Variants in SATB1 observed in about 807,000 individuals in gnomAD.
SATB1 encodes the protein SATB homeobox 1, also known as DNA-binding protein SATB1.
A neutral mutation model predicts 86.9 loss-of-function variants in SATB1; 11 were observed. The observed-to-expected ratio is 0.13, with a 90% CI of 0.08 to 0.21. The LOEUF (loss-of-function observed/expected upper bound fraction) is 0.21. SATB1 is among the 10% of genes least tolerant of loss of function. The probability of loss-of-function intolerance (pLI) is 1.00; values close to 1 mark genes in which losing one functional copy is unlikely to be tolerated. For missense variants in SATB1, 551 were observed against 937.6 expected, an observed-to-expected ratio of 0.59 and a Z score of 5.39; for synonymous variants, 357 against 357.2, an observed-to-expected ratio of 1.00 and a Z score of 0.01.
At chr3:18,419,158 T>A (rs1414638317) in intron 2 of SATB1, among the ~76,000 whole-genome samples, 1 of 152,204 alleles carries the variant, frequency 6.6e-6, no homozygotes, top group Non-Finnish European at 1.5e-5. Flanking sequence ...TAAAGACGGC[T>A]ATAAAGTGAC....
chr3:18,428,624 G>A (rs1242947145), upstream of SATB1, among the ~76,000 whole-genome samples: 1 of 152,104 alleles, frequency 6.6e-6, no homozygotes, highest in Non-Finnish European at 1.5e-5. Flanking sequence ...TATAAGTCTG[G>A]CCATCAAAAT....
intron 9 of SATB1, among the ~76,000 whole-genome samples, chr3:18,373,951 C>T (rs1455917448): frequency 6.6e-6 from 1 of 152,152 alleles, no homozygotes; most frequent in Non-Finnish European, 1.5e-5. Context: ...GTTAGTCAAA[C>T]AGAATTTTCA....
intron 5 of SATB1, 143 bp downstream of exon 5, chr3:18,414,968 A>T: frequency 1.2e-6 from 1 of 807,856 alleles, no homozygotes; most frequent in Non-Finnish European, 2.0e-6. Flanking sequence ...ATATTTTAAA[A>T]GGTCACCAGT....
rs187359111 is a variant in SATB1 at position 18,421,982 on chromosome 3, T to C, written c.-24-991A>G. Among the ~76,000 whole-genome samples, 342 of 152,210 alleles carry C rather than the reference T, an allele frequency of 2.2e-3. 4 individuals carry two copies. Among genetic ancestry groups the C allele is most frequent in the African/African-American group, 7.9e-3 (327 of 41,542 alleles). ...AAAATTAACAGATAATTATTTTCAG[T>C]TATATATTAGACATCAATTTTCCCA... is the stretch of plus-strand genomic sequence containing the variant. On this transcript the variant is annotated intron_variant, in intron 1 of 10. Coordinates refer to ENST00000338745, the MANE Select transcript of SATB1 (RefSeq NM_002971.6).
At chr3:18,415,344 G>A in intron 4 of SATB1, 110 bp from the exon 5 acceptor site, 1 of 1,261,332 alleles carries the variant, frequency 7.9e-7, no homozygotes, top group South Asian at 1.3e-5. Context: ...GATGCATCTG[G>A]AGATTGCTCT....
intron 9 of SATB1, among the ~76,000 whole-genome samples, chr3:18,363,163 T>TA (rs1559399795): frequency 6.6e-6 from 1 of 152,098 alleles, no homozygotes; most frequent in Non-Finnish European, 1.5e-5. Context: ...AAAAAATTTT[T>TA]AAAAGCAGGG....
Position 18,403,446 on chromosome 3 carries a change from A to C in SATB1, c.640-6156T>G, listed in dbSNP as rs549567168. ...TCTGTAGGAAGGAATGTATGTTTTG[A>C]ATTGGAATACTCTAGAGAGACAGCA... On this transcript the variant is annotated intron_variant, in intron 5 of 10. Coordinates refer to ENST00000338745, the MANE Select transcript of SATB1 (RefSeq NM_002971.6). 1.9e-4 allele frequency among the ~76,000 whole-genome samples: 29 copies of C among 152,198 alleles called. No individual in the cohort carries two copies. The South Asian group carries it at 6.0e-3, about 32-fold the overall frequency.
intron 9 of SATB1, among the ~76,000 whole-genome samples, chr3:18,365,369 T>C (rs779855405): frequency 2.6e-5 from 4 of 151,070 alleles, no homozygotes; most frequent in Admixed American, 1.3e-4. Context: ...GTTTTCCAAA[T>C]AGAAGGAGAT....
rs1432146407 is a variant in SATB1, at chr3:18,386,883, TCA to T, written c.1207-274_1207-273del. 6.6e-6 allele frequency among the ~76,000 whole-genome samples: 1 copy of T among 152,206 alleles called. No homozygotes were observed. The highest frequency in any genetic ancestry group is 2.4e-5 in the African/African-American group (1 of 41,442). ...GTAGCTTAACTTGCCATGAAATCTT[TCA>T]CAGAGAGACGATCCAGGGAAGTTAA... On this transcript the variant is annotated intron_variant, in intron 7 of 10. Transcript: ENST00000338745. This position sits in a 1 kb window ranked among gnomAD's most constrained non-coding sequence, Gnocchi z 4.5.
intron 7 of SATB1, among the ~76,000 whole-genome samples, chr3:18,392,782 G>A (rs1196071833): frequency 6.6e-6 from 1 of 151,884 alleles, no homozygotes; most frequent in Non-Finnish European, 1.5e-5. Context: ...GGAATATTTA[G>A]AGGGTTGACT....
chr3:18,352,240 G>C lies in SATB1; in HGVS notation c.1576-45C>G. On this transcript the variant is annotated intron_variant, in intron 9 of 10. Transcript: ENST00000338745. This position sits in a 1 kb window ranked among gnomAD's most constrained non-coding sequence, Gnocchi z 4.1. ...TAGGTCAGTTTGTGCCTATGAGAGG[G>C]GCTGGCATTTTCCATTAGGAGCTAA... The C allele has an allele frequency of 1.9e-6, 3 of 1,569,058 alleles. No homozygotes were observed. The highest frequency in any genetic ancestry group is 2.6e-6 in the Non-Finnish European group (3 of 1,141,452).
upstream of SATB1, among the ~76,000 whole-genome samples, chr3:18,443,397 T>A (rs1699290961): frequency 6.6e-6 from 1 of 152,196 alleles, no homozygotes; most frequent in Non-Finnish European, 1.5e-5. The surrounding 1 kb of genome is among the most constrained non-coding windows in gnomAD (Gnocchi z 4.4). Flanking sequence ...AGTCCAAGTC[T>A]TAGAACATTT....
At chr3:18,356,111 C>T (rs900444047) in intron 9 of SATB1, among the ~76,000 whole-genome samples, 5 of 151,814 alleles carry the variant, frequency 3.3e-5, no homozygotes, top group Admixed American at 6.6e-5. Context: ...CTGGCATGGA[C>T]GCTGAATAAG....
At chr3:18,421,732 G>C (rs1698407660) in intron 1 of SATB1, among the ~76,000 whole-genome samples, 1 of 151,914 alleles carries the variant, frequency 6.6e-6, no homozygotes. Flanking sequence ...ATGTGTTTTA[G>C]AGTCAGTATT....
At chr3:18,397,004 T>A (rs1696993980) in intron 6 of SATB1, among the ~76,000 whole-genome samples, 175 bp downstream of exon 6, 1 of 152,104 alleles carries the variant, frequency 6.6e-6, no homozygotes, top group South Asian at 2.1e-4. Flanking sequence ...AACACAAACA[T>A]TTATTGAATT....
intron 9 of SATB1, among the ~76,000 whole-genome samples, chr3:18,363,584 C>T (rs1346179439): frequency 1.3e-5 from 2 of 152,160 alleles, no homozygotes; most frequent in Non-Finnish European, 2.9e-5. Flanking sequence ...CATGACCCTA[C>T]TCCATCCTTG....
exon 1 of SATB1, chr3:18,445,583 T>A: frequency 1.0e-6 from 1 of 968,574 alleles, no homozygotes; most frequent in Non-Finnish European, 1.2e-6. Flanking sequence ...TTGTTGCTTG[T>A]TGTTTGGCTG....
In SATB1 at chr3:18,444,319, T is replaced by G. The variant is rs530492740; in HGVS notation, c.-25+1199A>C. Among the ~76,000 whole-genome samples, 13 of 152,042 alleles carry G rather than the reference T, an allele frequency of 8.6e-5. No homozygotes were observed. In the South Asian group the frequency reaches 2.1e-3, roughly 24 times the overall value. ...TCAGCCAGGGTCTATTGGGCAGGTG[T>G]GGTGGTGTGTCCACACCCAGACAGA... is the stretch of plus-strand genomic sequence containing the variant. On this transcript the variant is annotated intron_variant, in intron 1 of 3. Coordinates refer to the SATB1 transcript ENST00000415069. The surrounding 1 kb of genome is among the most constrained non-coding windows in gnomAD (Gnocchi z 5.1).
chr3:18,417,373 T>G, intron 2 of SATB1: 1 of 563,338 alleles, frequency 1.8e-6, no homozygotes, highest in East Asian at 3.0e-5. Context: ...ACCTTTCTGA[T>G]CAAATAATAA....
Sources: gnomAD v4.1 joint callset for allele counts (sites outside exome capture counted in the v4.1 genomes callset) on GRCh38, gnomAD v4.1.1 for gene constraint, Gnocchi (gnomAD v3.1) non-coding constraint, MANE v1.5 for transcripts, NCBI Gene and HGNC (gene_info 2026-07-23, HGNC 2026-07-21) for gene names.